MKX: variants seen among roughly 807,000 people sequenced by gnomAD.
MKX encodes the protein homeobox protein Mohawk.
Under a neutral mutation model 36.0 loss-of-function variants are expected in MKX, and 13 were observed. That is an observed-to-expected ratio of 0.36 (90% CI 0.24 to 0.57). The LOEUF is 0.57. Among genes scored for constraint, MKX ranks in the 20% least tolerant of loss-of-function variants. MKX has a pLI of 0.79. For missense variants in MKX, 458 were observed against 456.4 expected (o/e 1.00, Z -0.03); for synonymous variants, 176 against 178.3 (o/e 0.99, Z 0.10).
Position 27,685,423 on chromosome 10 carries a change from T to C in MKX, c.839-9869A>G, listed in dbSNP as rs1298033709. On this transcript the variant is annotated intron_variant, in intron 5 of 6. Coordinates refer to ENST00000419761, the MANE Select transcript of MKX (RefSeq NM_173576.3). The stretch of plus-strand genomic sequence containing the variant: ...TCAAGTAAGTTGTCTTGAGATCTTC[T>C]TTATACTTTCAGCAGAGTGATTTTT... Among the ~76,000 whole-genome samples, 3 of 151,022 alleles carry C rather than the reference T, an allele frequency of 2.0e-5. No homozygotes were observed. In the Admixed American group the frequency reaches 2.0e-4, roughly 10 times the overall value.
intron 5 of MKX, among the ~76,000 whole-genome samples, chr10:27,696,617 T>G (rs1836559422): frequency 1.3e-5 from 2 of 152,272 alleles, no homozygotes; most frequent in South Asian, 4.1e-4. Flanking sequence ...TCACTTAAAT[T>G]GGTTAGTAGC....
chr10:27,727,875 G>C (rs922690928), intron 5 of MKX, among the ~76,000 whole-genome samples: 8 of 152,158 alleles, frequency 5.3e-5, no homozygotes, highest in Non-Finnish European at 4.4e-5. Context: ...CTCCAAAGCT[G>C]TGCTGAATAG....
chr10:27,718,604 GACAAAAAGAAA>G, intron 5 of MKX: 1 of 442,556 alleles, frequency 2.3e-6, no homozygotes, highest in South Asian at 1.6e-5. Flanking sequence ...CCACTGGAAA[GACAAAAAGAAA>G]AGTCAGGTCT....
intron 5 of MKX, among the ~76,000 whole-genome samples, chr10:27,718,287 C>G (rs1299033172): frequency 6.6e-6 from 1 of 152,020 alleles, no homozygotes; most frequent in Admixed American, 6.6e-5. Flanking sequence ...CACAATAAGC[C>G]AAATATGCAA....
chr10:27,700,020 T>C (rs189499448), intron 5 of MKX, among the ~76,000 whole-genome samples: 3 of 152,286 alleles, frequency 2.0e-5, no homozygotes, highest in African/African-American at 7.2e-5. Context: ...TAAATAGATA[T>C]TACACAAACT....
Position 27,694,527 on chromosome 10 carries a change from A to AAAAATATATAT in MKX, c.839-18974_839-18973insATATATATTTT, listed in dbSNP as rs547670335. Among the ~76,000 whole-genome samples, 644 of 114,286 alleles carry AAAAATATATAT rather than the reference A, an allele frequency of 5.6e-3. 1 individual carries two copies. The highest frequency in any genetic ancestry group is 0.016 in the African/African-American group (487 of 30,052). 75.0% of individuals were successfully genotyped at this position (114,286 alleles called of 152,430 possible). On this transcript the variant is annotated intron_variant, in intron 5 of 6. Coordinates refer to ENST00000419761, the MANE Select transcript of MKX (RefSeq NM_173576.3). Reference sequence around the variant, plus strand: ...AACCCCGTCTCTACTAAAAAAAAAAAATATATATATATATATAAATTAGCC... The same window carrying AAAAATATATAT: ...AACCCCGTCTCTACTAAAAAAAAAAAAAAATATATATATATATATATATATATAAATTAGCC...
chr10:27,739,993 A>G (rs538670820), intron 3 of MKX, among the ~76,000 whole-genome samples: 63 of 152,348 alleles, frequency 4.1e-4, no homozygotes, highest in African/African-American at 1.5e-3. Flanking sequence ...ATATTAAGCC[A>G]AGAACACTAA....
rs1836655983 is a variant in MKX at position 27,701,579 on chromosome 10, T to A, written c.839-26025A>T. On this transcript the variant is annotated intron_variant, in intron 5 of 6. Coordinates refer to ENST00000419761, the MANE Select transcript of MKX (RefSeq NM_173576.3). ...ATAAAATAATGTATAAATGTATATA[T>A]AATATAAAATTATTGTTTTTAATAT... 4.8e-5 allele frequency among the ~76,000 whole-genome samples: 7 copies of A among 145,508 alleles called. No homozygotes were observed. In the South Asian group the frequency reaches 1.5e-3, roughly 31 times the overall value.
intron 5 of MKX, among the ~76,000 whole-genome samples, chr10:27,686,317 C>A (rs1442194021): frequency 1.4e-5 from 2 of 145,282 alleles, no homozygotes; most frequent in African/African-American, 5.1e-5. Context: ...TGAGAGGCAT[C>A]CGAAATTATT....
chr10:27,686,671 T>G (rs1352841270), intron 5 of MKX, among the ~76,000 whole-genome samples: 1 of 151,956 alleles, frequency 6.6e-6, no homozygotes, highest in Non-Finnish European at 1.5e-5. Flanking sequence ...GAGATGGGGT[T>G]TCATCATGTT....
At chr10:27,689,990 C>T (rs2492911) in intron 5 of MKX, among the ~76,000 whole-genome samples, 102,987 of 152,040 alleles carry the variant, frequency 0.68, 37,095 homozygotes, top group Non-Finnish European at 0.81. Context: ...TATTAAATTC[C>T]GATGGCATAC....
intron 3 of MKX, among the ~76,000 whole-genome samples, chr10:27,739,160 C>T (rs980677622): frequency 6.6e-6 from 1 of 152,054 alleles, no homozygotes; most frequent in African/African-American, 2.4e-5. Flanking sequence ...ATAATACAAA[C>T]CCCAATCACA....
intron 5 of MKX, among the ~76,000 whole-genome samples, chr10:27,708,814 G>T (rs1439973156): frequency 2.6e-5 from 4 of 151,856 alleles, no homozygotes; most frequent in Admixed American, 6.6e-5. Flanking sequence ...CTCCATGTCT[G>T]CATCTGCAGA....
chr10:27,723,837 C>T (rs1218739097), intron 5 of MKX, among the ~76,000 whole-genome samples: 1 of 152,142 alleles, frequency 6.6e-6, no homozygotes, highest in African/African-American at 2.4e-5. Flanking sequence ...ACAGGGCATT[C>T]TTACTTGAAA....
intron 2 of MKX, 151 bp downstream of exon 2, chr10:27,743,077 C>A: frequency 3.1e-6 from 2 of 643,344 alleles, no homozygotes; most frequent in Non-Finnish European, 2.3e-6. Context: ...CATGAGAATG[C>A]GCGAGCCCTG....
rs1834602211 is a variant in MKX at position 27,730,570 on chromosome 10, AC to A, written c.838+3885del. ...CCTCCTGGGTTCAAGCGATTCTCGT[AC>A]CTCAGCCTCCCGAGTAGCTGGGATT... On this transcript the variant is annotated intron_variant, in intron 5 of 6. Transcript: ENST00000419761. Among the ~76,000 whole-genome samples, 9 of 150,356 alleles carry A rather than the reference AC, an allele frequency of 6.0e-5. No individual in the cohort carries two copies. In the South Asian group the frequency reaches 1.9e-3, roughly 32 times the overall value.
Position 27,675,218 on chromosome 10 carries a change from G to A in MKX, c.*11C>T. On this transcript the variant is annotated 3_prime_UTR_variant, in exon 7 of 7. Transcript: ENST00000419761. The stretch of plus-strand genomic sequence containing the variant: ...AAAGAACATCCATTGGATCTGAAAA[G>A]CAACAAGCTCTTAAAACTGCTGCAC... 1.2e-6 allele frequency: 2 copies of A among 1,610,654 alleles called. No individual in the cohort carries two copies. The highest frequency in any genetic ancestry group is 1.7e-6 in the Non-Finnish European group (2 of 1,177,974).
At chr10:27,702,271 G>C (rs140804043) in intron 5 of MKX, among the ~76,000 whole-genome samples, 5 of 152,264 alleles carry the variant, frequency 3.3e-5, no homozygotes, top group African/African-American at 7.2e-5. Flanking sequence ...CTAAGAGAGA[G>C]AGCTGTCTAA....
intron 5 of MKX, among the ~76,000 whole-genome samples, chr10:27,708,706 TG>T (rs1334927971): frequency 6.7e-6 from 1 of 149,030 alleles, no homozygotes; most frequent in African/African-American, 2.5e-5. Flanking sequence ...CCAGCCTGGG[TG>T]ACAGAGCGAG....
Sources: allele counts gnomAD v4.1 joint callset (sites outside exome capture counted in the v4.1 genomes callset), GRCh38; gene constraint gnomAD v4.1.1; transcripts MANE v1.5; gene names NCBI Gene and HGNC (gene_info 2026-07-23, HGNC 2026-07-21).